Variants in SAMSN1 observed in about 807,000 individuals in gnomAD.
SAMSN1 encodes the protein SAM domain-containing protein SAMSN-1.
In SAMSN1, 31 loss-of-function variants were observed where a neutral mutation model predicts 42.0. The ratio of observed to expected loss-of-function variants is 0.74; its 90% CI spans 0.55 to 1.00. The LOEUF (loss-of-function observed/expected upper bound fraction) is 1.00, where lower values mean the gene tolerates loss of function less well. SAMSN1 is among the 50% of genes least tolerant of loss of function. The pLI is 0.00. For missense variants in SAMSN1, 464 were observed against 439.4 expected (o/e 1.06, Z -0.50); for synonymous variants, 178 against 151.9 (o/e 1.17, Z -1.26).
intron 5 of SAMSN1, among the ~76,000 whole-genome samples, chr21:14,509,966 T>C (rs975156207): frequency 7.4e-4 from 112 of 151,814 alleles, no homozygotes; most frequent in Middle Eastern, 3.4e-3. Context: ...GGTGAAACCC[T>C]GTCTCTACTA....
intron 1 of SAMSN1, 95 bp downstream of exon 1, chr21:14,546,110 A>T: frequency 1.8e-6 from 2 of 1,090,356 alleles, no homozygotes; most frequent in Non-Finnish European, 2.7e-6. Flanking sequence ...CTTATGACTG[A>T]CAGATGAGAA....
intron 2 of SAMSN1, among the ~76,000 whole-genome samples, chr21:14,621,778 G>T (rs982485735): frequency 1.3e-5 from 2 of 152,204 alleles, no homozygotes; most frequent in African/African-American, 4.8e-5. Context: ...AGAGAGTAGT[G>T]GTTCTCTCAG....
At chr21:14,635,735 A>C (rs1460184211) in intron 2 of SAMSN1, among the ~76,000 whole-genome samples, 1 of 152,182 alleles carries the variant, frequency 6.6e-6, no homozygotes, top group Non-Finnish European at 1.5e-5. Flanking sequence ...GCAGAAGGAA[A>C]GGCAATGATC....
chr21:14,519,088 G>A (rs1988042527), intron 2 of SAMSN1, among the ~76,000 whole-genome samples: 1 of 152,068 alleles, frequency 6.6e-6, no homozygotes, highest in Non-Finnish European at 1.5e-5. Context: ...TCCATAGCCT[G>A]AATTAAATTT....
At chr21:14,533,930 A>AT (rs1979430361) in intron 1 of SAMSN1, among the ~76,000 whole-genome samples, 1 of 152,152 alleles carries the variant, frequency 6.6e-6, no homozygotes, top group Non-Finnish European at 1.5e-5. Context: ...GCCAAAAGGG[A>AT]TTTTTGCTTC....
At position 14,594,403 on chromosome 21, in the gene SAMSN1, C is replaced by T. The variant is rs555150285; in HGVS notation, c.400-325G>A. 6.0e-4 allele frequency among the ~76,000 whole-genome samples: 92 copies of T among 152,196 alleles called. 1 individual carries two copies. Among genetic ancestry groups the T allele is most frequent in the Non-Finnish European group, 1.2e-3 (84 of 68,000 alleles). The stretch of plus-strand genomic sequence containing the variant: ...GCCCTCACATAGAGCAATTCCAATC[C>T]ATGATCTCACATTTAGAAGGGTTGG... On this transcript the variant is annotated intron_variant, in intron 6 of 15. Transcript: ENST00000647101.
At chr21:14,647,085 T>C (rs1983728622) in intron 1 of SAMSN1, among the ~76,000 whole-genome samples, 1 of 152,160 alleles carries the variant, frequency 6.6e-6, no homozygotes, top group Non-Finnish European at 1.5e-5. Context: ...TAACATTGAA[T>C]GTAAATGAAC....
intron 2 of SAMSN1, among the ~76,000 whole-genome samples, chr21:14,637,671 T>C (rs1983500170): frequency 6.6e-6 from 1 of 152,290 alleles, no homozygotes; most frequent in Non-Finnish European, 1.5e-5. Flanking sequence ...AATAATGTGA[T>C]TGAATAATCT....
chr21:14,525,928 C>T (rs1391450787), intron 1 of SAMSN1, among the ~76,000 whole-genome samples: 1 of 152,008 alleles, frequency 6.6e-6, no homozygotes. Context: ...GCAGTGGCTC[C>T]ATCTCGGCTC....
At chr21:14,493,070 C>T (rs17274198) in intron 7 of SAMSN1, among the ~76,000 whole-genome samples, 4,425 of 152,308 alleles carry the variant, frequency 0.029, 97 homozygotes, top group Non-Finnish European at 0.041. Context: ...GCTCGTGTTC[C>T]AGGCTCCTGG....
chr21:14,536,040 C>G (rs1979588711), intron 1 of SAMSN1, among the ~76,000 whole-genome samples: 1 of 152,182 alleles, frequency 6.6e-6, no homozygotes, highest in Non-Finnish European at 1.5e-5. Context: ...TTAAAATCTT[C>G]TGCTATTAGT....
intron 2 of SAMSN1, among the ~76,000 whole-genome samples, chr21:14,575,239 C>T (rs1014692617): frequency 2.6e-5 from 4 of 152,140 alleles, no homozygotes; most frequent in Non-Finnish European, 5.9e-5. Context: ...CTCCTAGCAT[C>T]AAATATTAAA....
chr21:14,497,795 T>C (rs545815005), intron 7 of SAMSN1, among the ~76,000 whole-genome samples: 6 of 152,286 alleles, frequency 3.9e-5, no homozygotes, highest in Non-Finnish European at 8.8e-5. Context: ...GGAAAGGCAG[T>C]CTGGATGGAT....
chr21:14,536,326 T>C (rs1344178452), intron 1 of SAMSN1, among the ~76,000 whole-genome samples: 1 of 152,208 alleles, frequency 6.6e-6, no homozygotes, highest in African/African-American at 2.4e-5. Flanking sequence ...TGTGACTAAA[T>C]TGATTTTTAA....
chr21:14,635,477 C>T (rs151156514), intron 2 of SAMSN1, among the ~76,000 whole-genome samples: 14 of 152,312 alleles, frequency 9.2e-5, no homozygotes, highest in African/African-American at 3.4e-4. Context: ...AAACACTCCA[C>T]TATACCTAGG....
chr21:14,561,883 G>A (rs1980957567), intron 2 of SAMSN1, among the ~76,000 whole-genome samples: 1 of 152,150 alleles, frequency 6.6e-6, no homozygotes, highest in African/African-American at 2.4e-5. Context: ...CATGAATCAA[G>A]GAATGCCTAA....
At chr21:14,519,438 A>C (rs1245597941) in intron 2 of SAMSN1, among the ~76,000 whole-genome samples, 1 of 152,126 alleles carries the variant, frequency 6.6e-6, no homozygotes, top group Non-Finnish European at 1.5e-5. Context: ...GAGAATTAAA[A>C]ATTTATACAA....
chr21:14,485,993 T>C lies in SAMSN1; in HGVS notation c.1041A>G (p.Ser347=), dbSNP rs1568758281. ...DSGCYISSGN[S]DNGKEDLESE... is the part of the protein sequence containing the mutation. The stretch of plus-strand genomic sequence containing the variant: ...ACTCCAGATCCTCTTTGCCATTATC[T>C]GAATTTCCTGATGAGATATAGCAAC... Residue 347 remains serine, a synonymous_variant, in exon 8 of 8, where the codon TCA becomes TCG. Coordinates refer to ENST00000400566, the MANE Select transcript of SAMSN1 (RefSeq NM_022136.5). 1 of 1,613,570 alleles carries C rather than the reference T, an allele frequency of 6.2e-7. No homozygotes were observed. The highest frequency in any genetic ancestry group is 8.5e-7 in the Non-Finnish European group (1 of 1,179,660).
At chr21:14,565,588 C>A (rs970091611) in intron 2 of SAMSN1, among the ~76,000 whole-genome samples, 4 of 152,144 alleles carry the variant, frequency 2.6e-5, no homozygotes, top group Non-Finnish European at 4.4e-5. Flanking sequence ...AAGCAGAGAT[C>A]TAAGCACCAG....
Sources: gnomAD v4.1 joint callset for allele counts (sites outside exome capture counted in the v4.1 genomes callset) on GRCh38, gnomAD v4.1.1 for gene constraint, MANE v1.5 for transcripts, NCBI Gene and HGNC (gene_info 2026-07-23, HGNC 2026-07-21) for gene names.